Variants in CEP295 observed in about 807,000 individuals in gnomAD.
CEP295 encodes the protein centrosomal protein 295.
CEP295 carries 190 observed loss-of-function variants against 291.6 expected under a neutral mutation model. The observed-to-expected ratio is 0.65, with a 90% CI of 0.58 to 0.73. The LOEUF (loss-of-function observed/expected upper bound fraction) is 0.73. Among genes scored for constraint, CEP295 ranks in the 30% least tolerant of loss-of-function variants. The pLI is 0.00. For missense variants in CEP295, 2,863 were observed against 2,949.4 expected, an observed-to-expected ratio of 0.97 and a Z score of 0.68; for synonymous variants, 993 against 1,038.8, an observed-to-expected ratio of 0.96 and a Z score of 0.85.
rs761592517 is a variant in CEP295, at chr11:93,725,770, A to C, written c.6438A>C (p.Gln2146His). Residue 2146 changes from glutamine (Q) to histidine (H), a missense_variant, in exon 23 of 30, where the codon CAA becomes CAC. Transcript: ENST00000325212. ...HSSLNTSPNQ[Q>H]PDTNLAHVGA... ...CTCTTAACACAAGTCCGAATCAACA[A>C]CCTGACACTAACTTGGCTCATGTTG... 5.5e-5 allele frequency: 85 copies of C among 1,551,596 alleles called. No homozygotes were observed. Among genetic ancestry groups the C allele is most frequent in the Middle Eastern group, 1.7e-4 (1 of 6,014 alleles).
In CEP295 at chr11:93,730,118, A is replaced by C. The variant is rs1171474189; in HGVS notation, c.7737A>C (p.Gln2579His). 1 of 1,551,316 alleles carries C rather than the reference A, an allele frequency of 6.4e-7. No homozygotes were observed. The highest frequency in any genetic ancestry group is 8.7e-7 in the Non-Finnish European group (1 of 1,146,890). ...EEKTKQEAYA[Q>H]NRARAKEFHK... is the part of the protein sequence containing the mutation. ...AAACAAAACAAGAAGCTTATGCCCA[A>C]AACAGAGCAAGGGCAAAAGAATTCC... The change falls in exon 29 of 30, where the codon CAA becomes CAC. Residue 2579 changes from glutamine (Q) to histidine (H), a missense_variant. Transcript: ENST00000325212.
chr11:93,688,648 A>G (rs1951367161), intron 10 of CEP295, among the ~76,000 whole-genome samples: 1 of 152,016 alleles, frequency 6.6e-6, no homozygotes, highest in African/African-American at 2.4e-5. Flanking sequence ...ATGACTAACC[A>G]TTGTTAGTCG....
chr11:93,670,331 A>C (rs1384974843), intron 5 of CEP295, among the ~76,000 whole-genome samples: 2 of 152,086 alleles, frequency 1.3e-5, no homozygotes, highest in Non-Finnish European at 2.9e-5. Flanking sequence ...AATATTATAA[A>C]ATAATAAGGA....
intron 9 of CEP295, 43 bp downstream of exon 9, chr11:93,684,171 A>G (rs577744755): frequency 5.3e-6 from 8 of 1,514,482 alleles, no homozygotes; most frequent in Admixed American, 2.2e-5. Context: ...TTTCACAGAA[A>G]AAAAAAATGC....
chr11:93,708,298 C>T (rs952158736), intron 18 of CEP295, among the ~76,000 whole-genome samples: 1 of 152,262 alleles, frequency 6.6e-6, no homozygotes, highest in Admixed American at 6.5e-5. Context: ...CCCCAACGAC[C>T]CCCAACTACG....
At chr11:93,664,331 T>C (rs962244755) in intron 1 of CEP295, among the ~76,000 whole-genome samples, 10 of 152,236 alleles carry the variant, frequency 6.6e-5, no homozygotes, top group Admixed American at 5.9e-4. Flanking sequence ...TAGGAGCCAT[T>C]TGGAATAAGG....
At chr11:93,706,080 GT>G (rs1565196521) in intron 17 of CEP295, among the ~76,000 whole-genome samples, 2 of 152,074 alleles carry the variant, frequency 1.3e-5, no homozygotes, top group Admixed American at 6.5e-5. Context: ...TATCAGATTC[GT>G]TTTCTCCAGA....
chr11:93,700,181 A>T lies in CEP295; in HGVS notation c.5269A>T (p.Ser1757Cys), dbSNP rs1160893601. 3.2e-6 allele frequency: 5 copies of T among 1,545,164 alleles called. No individual in the cohort carries two copies. The highest frequency in any genetic ancestry group is 4.4e-6 in the Non-Finnish European group (5 of 1,144,874). ...GACTTTGAAGGATTTCTTTAAAGAC[A>T]GTCAGGTATGTTTTAAACCTGAATA... ...EETLKDFFKD[S>C]QISKPTVEND... Residue 1757 changes from serine to cysteine, a missense_variant, in exon 15 of 30, where the codon AGT becomes TGT. Physicochemically the swap from Ser to Cys is moderately radical, Grantham distance 112 (BLOSUM62 -1). Coordinates refer to ENST00000325212, the MANE Select transcript of CEP295 (RefSeq NM_033395.2).
chr11:93,699,574 G>T lies in CEP295; in HGVS notation c.4662G>T (p.Gln1554His), dbSNP rs140653131. Residue 1554 changes from glutamine to histidine, a missense_variant, in exon 15 of 30, where the codon CAG (glutamine) becomes CAT (histidine). Coordinates refer to ENST00000325212, the MANE Select transcript of CEP295 (RefSeq NM_033395.2). ...EQVCSSSFVS[Q>H]VPVADSERTQ... ...TTTGCTCCTCTTCATTTGTATCCCA[G>T]GTGCCTGTTGCTGACTCTGAAAGAA... 1.3e-6 allele frequency: 2 copies of T among 1,551,766 alleles called. No individual in the cohort carries two copies.
At position 93,702,534 on chromosome 11, in the gene CEP295, A is replaced by G; in HGVS notation, c.5349A>G (p.Thr1783=). 6.4e-7 allele frequency: 1 copy of G among 1,551,240 alleles called. No homozygotes were observed. Among genetic ancestry groups the G allele is most frequent in the Non-Finnish European group, 8.7e-7 (1 of 1,146,704 alleles). Residue 1783 remains threonine, a synonymous_variant, in exon 16 of 30, where the codon ACA becomes ACG. Transcript: ENST00000325212. ...MGQLRDWFPN[T]QDLAGNDQEN... is the part of the protein sequence containing the mutation. ...AGCTCAGAGACTGGTTTCCTAATAC[A>G]CAAGACCTAGCAGGAAATGATCAAG...
At chr11:93,672,686 AGTT>A in intron 5 of CEP295, among the ~76,000 whole-genome samples, 1 of 152,226 alleles carries the variant, frequency 6.6e-6, no homozygotes, top group African/African-American at 2.4e-5. Flanking sequence ...GGCTAGAAAT[AGTT>A]ACTGTGGAGC....
At chr11:93,662,978 G>A (rs1950054484) in intron 1 of CEP295, among the ~76,000 whole-genome samples, 1 of 152,194 alleles carries the variant, frequency 6.6e-6, no homozygotes, top group African/African-American at 2.4e-5. Context: ...AATCACATAA[G>A]ATTAGACAAA....
intron 18 of CEP295, among the ~76,000 whole-genome samples, 166 bp from the exon 19 acceptor site, chr11:93,721,146 T>TA (rs1176955046): frequency 2.0e-5 from 3 of 152,206 alleles, no homozygotes; most frequent in Non-Finnish European, 4.4e-5. Flanking sequence ...TTTTAACAAA[T>TA]ACGGTGAATT....
At chr11:93,701,362 C>CA (rs1482229327) in intron 15 of CEP295, among the ~76,000 whole-genome samples, 1 of 151,592 alleles carries the variant, frequency 6.6e-6, no homozygotes, top group Non-Finnish European at 1.5e-5. Flanking sequence ...GACCCTATCT[C>CA]AAAAAAATAA....
chr11:93,689,726 T>C (rs2135023207), intron 10 of CEP295, among the ~76,000 whole-genome samples: 1 of 152,308 alleles, frequency 6.6e-6, no homozygotes, highest in East Asian at 1.9e-4. Flanking sequence ...GCTTATTATC[T>C]TAATGCCTAC....
At chr11:93,700,384 C>T (rs935916275) in intron 15 of CEP295, among the ~76,000 whole-genome samples, 198 bp downstream of exon 15, 2 of 150,786 alleles carry the variant, frequency 1.3e-5, no homozygotes, top group Non-Finnish European at 2.9e-5. Context: ...TTAATAGTTA[C>T]GTGAAGTCCA....
At position 93,725,760 on chromosome 11, in the gene CEP295, C is replaced by T. The variant is rs199658719; in HGVS notation, c.6428C>T (p.Pro2143Leu). ...ATGCATTCTTCTCTTAACACAAGTC[C>T]GAATCAACAACCTGACACTAACTTG... The part of the protein sequence containing the change: ...TSMHSSLNTS[P>L]NQQPDTNLAH... Residue 2143 changes from proline to leucine, a missense_variant, in exon 23 of 30, where the codon CCG becomes CTG. Around this residue, in one of 3 missense-constraint regions of CEP295, gnomAD observed 2,295 missense variants for 2,335.7 expected, o/e 0.98. Coordinates refer to ENST00000325212, the MANE Select transcript of CEP295 (RefSeq NM_033395.2). The T allele has an allele frequency of 5.3e-5, 83 of 1,551,524 alleles. No individual in the cohort carries two copies. The highest frequency in any genetic ancestry group is 6.8e-5 in the Non-Finnish European group (78 of 1,146,966).
rs1364979157 is a variant in CEP295, at chr11:93,698,108, A to G, written c.3196A>G (p.Lys1066Glu). ...SLKLLQEQLT[K>E]QRDTLQARHE... ...GAAGTTGCTCCAAGAACAGTTGACT[A>G]AACAGAGGGATACTCTTCAGGCTAG... Residue 1066 changes from lysine (K) to glutamate (E), a missense_variant, in exon 15 of 30, where the codon AAA becomes GAA. This residue lies in a region of CEP295 where 2,295 missense variants were observed against 2,335.7 expected (regional missense o/e 0.98). Coordinates refer to ENST00000325212, the MANE Select transcript of CEP295 (RefSeq NM_033395.2). The G allele has an allele frequency of 5.8e-6, 9 of 1,552,058 alleles. No individual in the cohort carries two copies. The highest frequency in any genetic ancestry group is 7.0e-6 in the Non-Finnish European group (8 of 1,147,090).
chr11:93,662,248 T>C (rs1263444862), intron 1 of CEP295, among the ~76,000 whole-genome samples: 1 of 152,234 alleles, frequency 6.6e-6, no homozygotes, highest in Non-Finnish European at 1.5e-5. Flanking sequence ...AAAACAATGG[T>C]GAACTTTTGA....
Sources: allele counts gnomAD v4.1 joint callset (sites outside exome capture counted in the v4.1 genomes callset), GRCh38; gene constraint gnomAD v4.1.1; regional missense constraint gnomAD v4.1.1; transcripts MANE v1.5; gene names NCBI Gene and HGNC (gene_info 2026-07-23, HGNC 2026-07-21).